The following MFRP variants were observed in gnomAD, a reference collection of about 807,000 sequenced individuals.
The protein encoded by MFRP is membrane frizzled-related protein.
A neutral mutation model predicts 65.8 loss-of-function variants in MFRP; 74 were observed. The observed-to-expected ratio is 1.12, with a 90% CI of 0.93 to 1.36. The LOEUF (loss-of-function observed/expected upper bound fraction) is 1.36. Ranked by LOEUF, MFRP falls within the 40% of genes most tolerant of loss-of-function variation. The pLI, the probability that MFRP is intolerant of heterozygous loss-of-function variation, is 0.00. For synonymous variants in MFRP, 336 were observed against 288.3 expected, an observed-to-expected ratio of 1.17 and a Z score of -1.68; for missense variants, 838 against 736.0, an observed-to-expected ratio of 1.14 and a Z score of -1.60.
Position 119,341,538 on chromosome 11 carries a change from G to C in MFRP, c.*10C>G. ...GACGGGCAGGAAGAGGGCAGGGGCC[G>C]GCTTCAGGGTCAGGGCTGGGCACAA... On this transcript the variant is annotated 3_prime_UTR_variant, in exon 13 of 15. Coordinates refer to ENST00000619721, the MANE Select transcript of MFRP (RefSeq NM_031433.4). 3 of 1,609,196 alleles carry C rather than the reference G, an allele frequency of 1.9e-6. No individual in the cohort carries two copies. Among genetic ancestry groups the C allele is most frequent in the Non-Finnish European group, 2.5e-6 (3 of 1,177,488 alleles).
Position 119,342,582 on chromosome 11 carries a change from G to T in MFRP, c.1387+14C>A. On this transcript the variant is annotated intron_variant, in intron 11 of 14. Transcript: ENST00000619721. ...ACCCAGCCTGCTCAGGGTCCCCAGG[G>T]GCAGGCTTCTCACCTGGGGGTGGGA... The T allele has an allele frequency of 3.7e-6, 6 of 1,612,774 alleles. No homozygotes were observed. Among genetic ancestry groups the T allele is most frequent in the Non-Finnish European group, 5.1e-6 (6 of 1,179,712 alleles).
At position 119,339,679 on chromosome 11, in the gene MFRP, C is replaced by A; in HGVS notation, c.*1280G>T. The A allele has an allele frequency of 1.2e-6, 2 of 1,610,674 alleles. No individual in the cohort carries two copies. The highest frequency in any genetic ancestry group is 1.7e-6 in the Non-Finnish European group (2 of 1,179,886). The stretch of plus-strand genomic sequence containing the variant: ...CGTAATGTCCCTGCTCGTTCACCAG[C>A]ACGCGGTCGAAGGGCAAGGGTGCGT... On this transcript the variant is annotated 3_prime_UTR_variant, in exon 15 of 15. Transcript: ENST00000619721. This position sits in a 1 kb window ranked among gnomAD's most constrained non-coding sequence, Gnocchi z 5.4.
At chr11:119,345,671 A>G (rs778893380) in intron 4 of MFRP, 38 bp from the exon 5 acceptor site, 2 of 1,612,518 alleles carry the variant, frequency 1.2e-6, no homozygotes, top group African/African-American at 2.7e-5. Context: ...GGTCAAAAGG[A>G]GTGAGGTCCT....
chr11:119,344,474 G>GT, intron 7 of MFRP, 83 bp from the exon 8 acceptor site: 1 of 1,556,556 alleles, frequency 6.4e-7, no homozygotes, highest in South Asian at 1.1e-5. Flanking sequence ...CAGAGCGAGA[G>GT]TTTTGGCCAT....
chr11:119,340,307 G>A lies in MFRP; in HGVS notation c.*987C>T. On this transcript the variant is annotated 3_prime_UTR_variant, in exon 14 of 15. Transcript: ENST00000619721. ...CCCGGCGTGCCTGGAAGGCCGGGGT[G>A]CCCCGGGCAGAGGCTGGGGATCTTG... 6.5e-7 allele frequency: 1 copy of A among 1,538,148 alleles called. No individual in the cohort carries two copies.
At position 119,339,684 on chromosome 11, in the gene MFRP, G is replaced by A; in HGVS notation, c.*1275C>T. On this transcript the variant is annotated 3_prime_UTR_variant, in exon 15 of 15. Transcript: ENST00000619721. The surrounding 1 kb of genome is among the most constrained non-coding windows in gnomAD (Gnocchi z 5.4). ...TGTCCCTGCTCGTTCACCAGCACGCGGTCGAAGGGCAAGGGTGCGTCAGAC... is the reference window on the plus strand; with the variant it reads ...TGTCCCTGCTCGTTCACCAGCACGCAGTCGAAGGGCAAGGGTGCGTCAGAC... The A allele has an allele frequency of 1.2e-6, 2 of 1,610,020 alleles. No individual in the cohort carries two copies. The highest frequency in any genetic ancestry group is 8.5e-7 in the Non-Finnish European group (1 of 1,179,860).
chr11:119,339,977 G>C lies in MFRP; in HGVS notation c.*1111-129C>G, dbSNP rs1222108462. 1.1e-5 allele frequency: 14 copies of C among 1,327,192 alleles called. No homozygotes were observed. The highest frequency in any genetic ancestry group is 1.5e-5 in the African/African-American group (1 of 64,682). 82.2% of individuals were successfully genotyped at this position (1,327,192 alleles called of 1,614,324 possible). On this transcript the variant is annotated intron_variant, in intron 14 of 14. Coordinates refer to ENST00000619721, the MANE Select transcript of MFRP (RefSeq NM_031433.4). The surrounding 1 kb of genome is among the most constrained non-coding windows in gnomAD (Gnocchi z 5.4). Reference sequence around the variant, plus strand: ...TCGGCCAGCGCCTCCTCCCGCACGGGTACCTCCTCCACCCCTTCCCGCAGG... The same window carrying C: ...TCGGCCAGCGCCTCCTCCCGCACGGCTACCTCCTCCACCCCTTCCCGCAGG...
chr11:119,340,108 C>T, intron 14 of MFRP, 76 bp downstream of exon 14: 2 of 1,449,008 alleles, frequency 1.4e-6, no homozygotes, highest in Non-Finnish European at 1.8e-6. Context: ...GACCCGAGTC[C>T]CGGACACCGG....
intron 2 of MFRP, 32 bp from the exon 3 acceptor site, chr11:119,346,191 C>T (rs943510341): frequency 5.7e-6 from 9 of 1,569,902 alleles, no homozygotes; most frequent in East Asian, 2.3e-5. Flanking sequence ...TTTGAAAGCC[C>T]CTTCTGTTGG....
intron 14 of MFRP, 26 bp downstream of exon 14, chr11:119,340,158 C>G: frequency 1.3e-6 from 2 of 1,507,422 alleles, no homozygotes; most frequent in Non-Finnish European, 1.8e-6. Flanking sequence ...ACATCGCCAC[C>G]GATAGCCGCG....
intron 5 of MFRP, among the ~76,000 whole-genome samples, 193 bp from the exon 6 acceptor site, chr11:119,345,197 A>C (rs1040435982): frequency 1.5e-4 from 23 of 152,218 alleles, no homozygotes; most frequent in African/African-American, 5.3e-4. Context: ...GCATCTACTC[A>C]TGGGGAGATA....
At chr11:119,344,568 T>C in intron 7 of MFRP, 64 bp downstream of exon 7, 5 of 1,612,672 alleles carry the variant, frequency 3.1e-6, no homozygotes, top group Non-Finnish European at 4.2e-6. Flanking sequence ...GGACCAGAGC[T>C]GGGGAGCCCA....
At position 119,342,591 on chromosome 11, in the gene MFRP, C is replaced by T; in HGVS notation, c.1387+5G>A. On this transcript the variant is annotated splice_donor_5th_base_variant and intron_variant, in intron 11 of 14. Coordinates refer to ENST00000619721, the MANE Select transcript of MFRP (RefSeq NM_031433.4). ...GCTCAGGGTCCCCAGGGGCAGGCTT[C>T]TCACCTGGGGGTGGGAACAAGGGGC... 6.2e-7 allele frequency: 1 copy of T among 1,612,870 alleles called. No individual in the cohort carries two copies.
rs1591299104 is a variant in MFRP, at chr11:119,339,427, A to G, written c.*1532T>C. The G allele has an allele frequency of 6.2e-7, 1 of 1,613,478 alleles. No homozygotes were observed. Among genetic ancestry groups the G allele is most frequent in the African/African-American group, 1.3e-5 (1 of 74,824 alleles). On this transcript the variant is annotated 3_prime_UTR_variant, in exon 15 of 15. Coordinates refer to ENST00000619721, the MANE Select transcript of MFRP (RefSeq NM_031433.4). The surrounding 1 kb of genome is among the most constrained non-coding windows in gnomAD (Gnocchi z 5.4). Reference sequence around the variant, plus strand: ...TGCTGGCATAGATGCCAATGTAGTCACCCACACCCACCTGCACCCACACTT... The same window carrying G: ...TGCTGGCATAGATGCCAATGTAGTCGCCCACACCCACCTGCACCCACACTT...
rs1315511402 is a variant in MFRP at position 119,340,427 on chromosome 11, G to C, written c.*867C>G. ...CTGGCACCGGGAGCCCGGACGCCGGGGTCCTCTCGCAGTCTGTGGACCAGG... is the reference window on the plus strand; with the variant it reads ...CTGGCACCGGGAGCCCGGACGCCGGCGTCCTCTCGCAGTCTGTGGACCAGG... On this transcript the variant is annotated 3_prime_UTR_variant, in exon 14 of 15. Coordinates refer to ENST00000619721, the MANE Select transcript of MFRP (RefSeq NM_031433.4). The C allele has an allele frequency of 1.3e-6, 2 of 1,537,732 alleles. No individual in the cohort carries two copies. Among genetic ancestry groups the C allele is most frequent in the African/African-American group, 2.8e-5 (2 of 72,550 alleles).
chr11:119,339,660 GTCCCTGC>G lies in MFRP; in HGVS notation c.*1292_*1298del. On this transcript the variant is annotated 3_prime_UTR_variant, in exon 15 of 15. Coordinates refer to ENST00000619721, the MANE Select transcript of MFRP (RefSeq NM_031433.4). The surrounding 1 kb of genome is among the most constrained non-coding windows in gnomAD (Gnocchi z 5.4). ...AACTTGCCGGTGACGGCGTCGTAATGTCCCTGCTCGTTCACCAGCACGCGGTCGAAGG... is the reference window on the plus strand; with the variant it reads ...AACTTGCCGGTGACGGCGTCGTAATGTCGTTCACCAGCACGCGGTCGAAGG... 1 of 1,612,010 alleles carries G rather than the reference GTCCCTGC, an allele frequency of 6.2e-7. No individual in the cohort carries two copies. Among genetic ancestry groups the G allele is most frequent in the Non-Finnish European group, 8.5e-7 (1 of 1,179,972 alleles).
In MFRP at chr11:119,342,909, A is replaced by G; in HGVS notation, c.1219T>C (p.Phe407Leu). 6.2e-7 allele frequency: 1 copy of G among 1,613,036 alleles called. No individual in the cohort carries two copies. The highest frequency in any genetic ancestry group is 1.7e-4 in the Middle Eastern group (1 of 6,022). ...RTDHGISSGG[F>L]SATYLAFNAT... ...TTGAAGGCCAGGTAGGTGGCTGAGA[A>G]GCCTCCACTGCTGATGCCATGATCT... Residue 407 changes from phenylalanine to leucine, a missense_variant, in exon 10 of 15, where the codon TTC becomes CTC. Phe to Leu is a conservative substitution (Grantham distance 22). Transcript: ENST00000619721.
intron 11 of MFRP, 44 bp downstream of exon 11, chr11:119,342,552 T>C (rs1950512631): frequency 5.0e-6 from 8 of 1,609,264 alleles, no homozygotes; most frequent in Non-Finnish European, 4.2e-6. Flanking sequence ...TTCTGTGAGG[T>C]GGGCACCCAG....
rs574601214 is a variant in MFRP at position 119,342,642 on chromosome 11, G to A, written c.1341C>T (p.Thr447=). ...QWMCDMWRDC[T]DGSDDNCSGP... is the part of the protein sequence containing the mutation. ...CGCTGCAGTTGTCATCGCTGCCATC[G>A]GTGCAGTCTCTCCACATGTCACACA... Residue 447 remains threonine, a synonymous_variant, in exon 11 of 15, where the codon ACC becomes ACT. Transcript: ENST00000619721. 7 of 1,613,482 alleles carry A rather than the reference G, an allele frequency of 4.3e-6. No homozygotes were observed. Among genetic ancestry groups the A allele is most frequent in the South Asian group, 3.3e-5 (3 of 91,088 alleles).
Sources: gnomAD v4.1 joint callset for allele counts (sites outside exome capture counted in the v4.1 genomes callset) on GRCh38, gnomAD v4.1.1 for gene constraint, Gnocchi (gnomAD v3.1) non-coding constraint, MANE v1.5 for transcripts, NCBI Gene and HGNC (gene_info 2026-07-23, HGNC 2026-07-21) for gene names.